Variants in KCNT2 observed in about 807,000 individuals in gnomAD.
The protein encoded by KCNT2 is potassium channel subfamily T member 2.
A neutral mutation model predicts 153.8 loss-of-function variants in KCNT2; 67 were observed. The ratio of observed to expected loss-of-function variants is 0.44; its 90% CI spans 0.36 to 0.53. The LOEUF is 0.53. KCNT2 is among the 20% of genes least tolerant of loss of function. KCNT2 has a pLI of 0.00. For missense variants in KCNT2, 975 were observed against 1,354.8 expected, an observed-to-expected ratio of 0.72 and a Z score of 4.40; for synonymous variants, 500 against 458.8, an observed-to-expected ratio of 1.09 and a Z score of -1.15.
chr1:196,280,985 T>C lies in KCNT2; in HGVS notation c.2785A>G (p.Lys929Glu), dbSNP rs1659036452. 3.1e-6 allele frequency: 5 copies of C among 1,608,476 alleles called. No individual in the cohort carries two copies. The highest frequency in any genetic ancestry group is 3.4e-6 in the Non-Finnish European group (4 of 1,175,428). Residue 929 changes from lysine (K) to glutamate (E), a missense_variant, in exon 25 of 28, where the codon AAA becomes GAA. By Grantham distance (56) the Lys-to-Glu change is moderately conservative (BLOSUM62 1). Coordinates refer to ENST00000294725, the MANE Select transcript of KCNT2 (RefSeq NM_198503.5). ...ATCCATAAGTCATCTGCAGTGATTTTCATCTATAACACACACAAATTATTT... is the reference window on the plus strand; with the variant it reads ...ATCCATAAGTCATCTGCAGTGATTTCCATCTATAACACACACAAATTATTT... ...TPGSGFLCSMKITADDLWIRT... is the reference protein window; with the variant it reads ...TPGSGFLCSMEITADDLWIRT...
intron 25 of KCNT2, among the ~76,000 whole-genome samples, chr1:196,273,224 CAAAT>C (rs1483886061): frequency 6.6e-6 from 1 of 151,714 alleles, no homozygotes. Flanking sequence ...AATTAGCACA[CAAAT>C]ATCGAAACAA....
intron 25 of KCNT2, 46 bp downstream of exon 25, chr1:196,280,814 T>G (rs369128297): frequency 3.9e-6 from 6 of 1,535,314 alleles, no homozygotes; most frequent in Non-Finnish European, 4.5e-6. Context: ...ATGATTGCAC[T>G]CATCAGATTA....
At chr1:196,389,934 C>A (rs1670325832) in intron 13 of KCNT2, among the ~76,000 whole-genome samples, 1 of 151,504 alleles carries the variant, frequency 6.6e-6, no homozygotes, top group African/African-American at 2.4e-5. Context: ...TATCTCCCAC[C>A]CTGTCTGAGC....
intron 1 of KCNT2, among the ~76,000 whole-genome samples, chr1:196,546,105 C>A (rs982436535): frequency 6.6e-5 from 10 of 152,046 alleles, no homozygotes; most frequent in Admixed American, 6.6e-5. Context: ...CTTTCCAAAG[C>A]AGCTTCATCA....
intron 1 of KCNT2, among the ~76,000 whole-genome samples, chr1:196,575,310 T>C (rs554644999): frequency 1.4e-4 from 22 of 152,248 alleles, no homozygotes; most frequent in African/African-American, 3.4e-4. Context: ...GGTATCTATA[T>C]TATTTTTTTC....
intron 1 of KCNT2, among the ~76,000 whole-genome samples, chr1:196,596,770 C>A (rs796558295): frequency 1.3e-5 from 2 of 152,074 alleles, no homozygotes; most frequent in Non-Finnish European, 2.9e-5. Flanking sequence ...CATGTGATCA[C>A]GTTTCACCGC....
chr1:196,282,475 A>G lies in KCNT2; in HGVS notation c.2698-119T>C, dbSNP rs1238705334. On this transcript the variant is annotated intron_variant, in intron 23 of 27. Transcript: ENST00000294725. ...TCTAAAAGATTATTTCTCATATCAC[A>G]TTTTTAACCCTCCATACAAAAGTAA... 12 of 557,356 alleles carry G rather than the reference A, an allele frequency of 2.2e-5. No individual in the cohort carries two copies. The Admixed American group carries it at 3.7e-4, about 17-fold the overall frequency. The allele number at this position is 557,356 out of a possible 1,614,324, so 34.5% of individuals were successfully genotyped here.
At chr1:196,299,767 G>T (rs1661008396) in intron 22 of KCNT2, among the ~76,000 whole-genome samples, 1 of 152,248 alleles carries the variant, frequency 6.6e-6, no homozygotes, top group East Asian at 1.9e-4. Flanking sequence ...CCAAAGGAAA[G>T]AAAATTAGTA....
chr1:196,286,224 A>T (rs1659644333), intron 22 of KCNT2, among the ~76,000 whole-genome samples: 1 of 152,100 alleles, frequency 6.6e-6, no homozygotes, highest in Admixed American at 6.6e-5. Context: ...TTGAAATCCT[A>T]ATCCCCAAGG....
At chr1:196,298,483 T>C (rs924399131) in intron 22 of KCNT2, among the ~76,000 whole-genome samples, 5 of 152,210 alleles carry the variant, frequency 3.3e-5, no homozygotes, top group Admixed American at 2.0e-4. Flanking sequence ...TGGAGGAAAG[T>C]CTTAAAGGGT....
At chr1:196,443,280 G>A (rs1280434875) in intron 8 of KCNT2, among the ~76,000 whole-genome samples, 2 of 151,524 alleles carry the variant, frequency 1.3e-5, no homozygotes, top group Non-Finnish European at 3.0e-5. Context: ...TGTAATGAAA[G>A]CCATAGTAAC....
chr1:196,585,424 T>C (rs1030626333), intron 1 of KCNT2, among the ~76,000 whole-genome samples: 9 of 152,096 alleles, frequency 5.9e-5, no homozygotes, highest in African/African-American at 1.7e-4. Context: ...ACACATATAT[T>C]TAATTTATAT....
chr1:196,450,874 T>G (rs1308414151), intron 8 of KCNT2, among the ~76,000 whole-genome samples: 1 of 151,934 alleles, frequency 6.6e-6, no homozygotes, highest in African/African-American at 2.4e-5. Context: ...ACTCCTCCTC[T>G]GCCTAGCACA....
chr1:196,481,608 T>G (rs1214674477), intron 4 of KCNT2, among the ~76,000 whole-genome samples: 1 of 152,210 alleles, frequency 6.6e-6, no homozygotes, highest in Non-Finnish European at 1.5e-5. Flanking sequence ...TAATTTGTAA[T>G]TTTTAAAAGC....
chr1:196,266,564 A>T (rs1333863809), intron 25 of KCNT2, among the ~76,000 whole-genome samples: 1 of 152,174 alleles, frequency 6.6e-6, no homozygotes, highest in Non-Finnish European at 1.5e-5. Context: ...GTAGTTTGAC[A>T]ATATAGAATC....
intron 21 of KCNT2, among the ~76,000 whole-genome samples, chr1:196,314,539 T>C (rs1572007911): frequency 6.6e-6 from 1 of 151,756 alleles, no homozygotes; most frequent in African/African-American, 2.4e-5. Context: ...AGTGTGTATT[T>C]CTTCTTCTGG....
intron 21 of KCNT2, among the ~76,000 whole-genome samples, chr1:196,308,627 A>G (rs1661862056): frequency 6.6e-6 from 1 of 152,014 alleles, no homozygotes; most frequent in African/African-American, 2.4e-5. Context: ...TCTATGATTT[A>G]CCTCCAATTA....
At chr1:196,367,631 C>A (rs1668155426) in intron 14 of KCNT2, among the ~76,000 whole-genome samples, 1 of 152,078 alleles carries the variant, frequency 6.6e-6, no homozygotes, top group East Asian at 1.9e-4. Context: ...AGCATAGTTT[C>A]TTTGCTATGT....
chr1:196,370,957 C>T (rs1324567231), intron 14 of KCNT2, among the ~76,000 whole-genome samples: 1 of 152,046 alleles, frequency 6.6e-6, no homozygotes, highest in African/African-American at 2.4e-5. Flanking sequence ...GACCAGTACA[C>T]TAGAAGCCCA....
Sources: allele counts gnomAD v4.1 joint callset (sites outside exome capture counted in the v4.1 genomes callset), GRCh38; gene constraint gnomAD v4.1.1; transcripts MANE v1.5; gene names NCBI Gene and HGNC (gene_info 2026-07-23, HGNC 2026-07-21).